SHISA9: variants seen among roughly 807,000 people sequenced by gnomAD.
SHISA9 encodes shisa family member 9, also known as protein shisa-9.
Under a neutral mutation model 38.0 loss-of-function variants are expected in SHISA9, and 13 were observed. The observed-to-expected ratio is 0.34, with a 90% CI of 0.22 to 0.54. The LOEUF is 0.54. Among genes scored for constraint, SHISA9 ranks in the 20% least tolerant of loss-of-function variants. The probability of loss-of-function intolerance (pLI) is 0.91; values close to 1 mark genes in which losing one functional copy is unlikely to be tolerated. For missense variants in SHISA9, 538 were observed against 575.8 expected, an observed-to-expected ratio of 0.93 and a Z score of 0.67; for synonymous variants, 275 against 242.0, an observed-to-expected ratio of 1.14 and a Z score of -1.27.
intron 2 of SHISA9, among the ~76,000 whole-genome samples, chr16:13,038,600 T>C (rs928380525): frequency 6.6e-6 from 1 of 152,230 alleles, no homozygotes; most frequent in African/African-American, 2.4e-5. Flanking sequence ...ATCTCGCAGT[T>C]CATTCTTATA....
chr16:13,025,825 G>C (rs1464400574), intron 2 of SHISA9, among the ~76,000 whole-genome samples: 1 of 151,588 alleles, frequency 6.6e-6, no homozygotes, highest in Non-Finnish European at 1.5e-5. Context: ...TTTTGGGGGG[G>C]ATGGAGTTTT....
At chr16:13,044,737 C>G (rs184285012) in intron 2 of SHISA9, among the ~76,000 whole-genome samples, 2 of 152,090 alleles carry the variant, frequency 1.3e-5, no homozygotes, top group Non-Finnish European at 2.9e-5. Flanking sequence ...ATTAAACGGA[C>G]GGCTGCAGTT....
the SHISA9 span, among the ~76,000 whole-genome samples, chr16:13,344,905 G>C: frequency 6.6e-6 from 1 of 152,100 alleles, no homozygotes; most frequent in Admixed American, 6.6e-5. Context: ...TAGCAGGAAA[G>C]AGCTAAGATA....
the SHISA9 span, among the ~76,000 whole-genome samples, chr16:13,430,748 A>C: frequency 5.7e-4 from 86 of 151,302 alleles, 1 homozygote; most frequent in Middle Eastern, 3.4e-3. Context: ...TCTAAACAAA[A>C]AAAAAAAAAA....
At chr16:13,000,128 G>C (rs1226084389) in intron 2 of SHISA9, among the ~76,000 whole-genome samples, 1 of 151,762 alleles carries the variant, frequency 6.6e-6, no homozygotes, top group South Asian at 2.1e-4. Flanking sequence ...GGGACACTTA[G>C]CATTCAAGTC....
At chr16:13,247,510 C>G in the SHISA9 span, among the ~76,000 whole-genome samples, 3 of 152,152 alleles carry the variant, frequency 2.0e-5, no homozygotes, top group Non-Finnish European at 4.4e-5. Flanking sequence ...TCTGGTTCCA[C>G]AATTTCTAGC....
chr16:13,175,089 G>A (rs1004172857), intron 2 of SHISA9, among the ~76,000 whole-genome samples: 1 of 152,106 alleles, frequency 6.6e-6, no homozygotes, highest in East Asian at 1.9e-4. Context: ...TGGGATGGAC[G>A]TGGTAGCTGG....
chr16:13,171,231 A>G (rs1473661482), intron 2 of SHISA9, among the ~76,000 whole-genome samples: 1 of 152,116 alleles, frequency 6.6e-6, no homozygotes, highest in Non-Finnish European at 1.5e-5. Context: ...CAAGCCATTC[A>G]TGAGGGATCC....
At chr16:12,991,906 G>A (rs1031252037) in intron 2 of SHISA9, among the ~76,000 whole-genome samples, 3 of 151,908 alleles carry the variant, frequency 2.0e-5, no homozygotes, top group South Asian at 2.1e-4. Flanking sequence ...TTATCCATCC[G>A]ATGGGTTCAC....
At chr16:13,281,691 A>G in the SHISA9 span, among the ~76,000 whole-genome samples, 1 of 151,364 alleles carries the variant, frequency 6.6e-6, no homozygotes, top group African/African-American at 2.4e-5. Context: ...ATATCAATAT[A>G]TCTTCTTTGT....
the SHISA9 span, among the ~76,000 whole-genome samples, chr16:13,300,430 A>G: frequency 1.3e-5 from 2 of 152,180 alleles, no homozygotes; most frequent in Non-Finnish European, 2.9e-5. Context: ...GGAGAGGTGC[A>G]TATTCCTGCA....
Position 13,231,983 on chromosome 16 carries a change from C to T in SHISA9, c.896-3047C>T, listed in dbSNP as rs2051335827. Among the ~76,000 whole-genome samples the T allele has an allele frequency of 2.0e-5, 3 of 152,214 alleles. No homozygotes were observed. In the South Asian group the frequency reaches 6.2e-4, roughly 32 times the overall value. ...GCGGGAGAAATAGTCCCCATCTTTT[C>T]CACCTTCATTGTTGAAAGGATCTAA... On this transcript the variant is annotated intron_variant, in intron 4 of 4. Coordinates refer to ENST00000558583, the MANE Select transcript of SHISA9 (RefSeq NM_001145204.3).
the SHISA9 span, among the ~76,000 whole-genome samples, chr16:13,480,521 C>G: frequency 1.3e-5 from 2 of 152,172 alleles, no homozygotes; most frequent in South Asian, 2.1e-4. Flanking sequence ...CCTGGCACAT[C>G]TATCTCAGAA....
chr16:13,257,269 A>T, the SHISA9 span, among the ~76,000 whole-genome samples: 4 of 152,122 alleles, frequency 2.6e-5, no homozygotes, highest in Non-Finnish European at 4.4e-5. Flanking sequence ...TGACTTGGAG[A>T]TGCTGCGTAG....
At chr16:13,463,350 CG>C in the SHISA9 span, among the ~76,000 whole-genome samples, 4 of 152,104 alleles carry the variant, frequency 2.6e-5, no homozygotes, top group Admixed American at 2.6e-4. Context: ...GGAGAGGCAG[CG>C]TGCAGGTGGA....
the SHISA9 span, among the ~76,000 whole-genome samples, chr16:13,398,552 G>A: frequency 2.7e-5 from 4 of 150,098 alleles, no homozygotes; most frequent in African/African-American, 9.9e-5. Context: ...CCAGGCTAGA[G>A]TGAAGTGGCA....
chr16:13,388,045 G>A, the SHISA9 span, among the ~76,000 whole-genome samples: 3 of 152,092 alleles, frequency 2.0e-5, no homozygotes, highest in African/African-American at 7.2e-5. Flanking sequence ...CCATGCTCAT[G>A]GGGAGGTCAG....
At chr16:12,928,790 A>G (rs1220720334) in intron 2 of SHISA9, among the ~76,000 whole-genome samples, 1 of 152,264 alleles carries the variant, frequency 6.6e-6, no homozygotes, top group Non-Finnish European at 1.5e-5. Context: ...CTCATTCTGC[A>G]GAGGCATTAT....
chr16:13,411,620 C>T, the SHISA9 span, among the ~76,000 whole-genome samples: 20 of 152,338 alleles, frequency 1.3e-4, no homozygotes, highest in East Asian at 5.8e-4. Context: ...TCATTTTCAT[C>T]GGCAAGGATG....
Sources: gnomAD v4.1 joint callset for allele counts (sites outside exome capture counted in the v4.1 genomes callset) on GRCh38, gnomAD v4.1.1 for gene constraint, MANE v1.5 for transcripts, NCBI Gene and HGNC (gene_info 2026-07-23, HGNC 2026-07-21) for gene names.